Variants in ADAMTS3 observed in about 807,000 individuals in gnomAD.
The protein encoded by ADAMTS3 is ADAM metallopeptidase with thrombospondin type 1 motif 3, also known as A disintegrin and metalloproteinase with thrombospondin motifs 3.
ADAMTS3 carries 73 observed loss-of-function variants against 129.0 expected under a neutral mutation model. The observed-to-expected ratio is 0.57, with a 90% CI of 0.47 to 0.69. ADAMTS3 has a LOEUF of 0.69. ADAMTS3 is among the 30% of genes least tolerant of loss of function. The pLI is 0.00. For missense variants in ADAMTS3, 1,457 were observed against 1,514.5 expected (o/e 0.96, Z 0.63); for synonymous variants, 477 against 510.8 (o/e 0.93, Z 0.89).
chr4:72,379,844 G>A (rs974308628), intron 4 of ADAMTS3, among the ~76,000 whole-genome samples: 2 of 152,046 alleles, frequency 1.3e-5, no homozygotes, highest in Non-Finnish European at 2.9e-5. Flanking sequence ...GTATATAAAT[G>A]TAATTCTGAT....
intron 3 of ADAMTS3, among the ~76,000 whole-genome samples, chr4:72,443,425 C>T (rs555328164): frequency 2.0e-4 from 30 of 151,830 alleles, no homozygotes; most frequent in African/African-American, 7.2e-4. Flanking sequence ...AGCTTACCCT[C>T]TAGTGTTAAA....
At position 72,450,595 on chromosome 4, in the gene ADAMTS3, A is replaced by G. The variant is rs776836352; in HGVS notation, c.505-35624T>C. ...CTTTTCTGAGGCTTTCACTGATGCCAACACCACTAATAAACATAAGAATTG... is the reference window on the plus strand; with the variant it reads ...CTTTTCTGAGGCTTTCACTGATGCCGACACCACTAATAAACATAAGAATTG... On this transcript the variant is annotated intron_variant, in intron 3 of 21. Coordinates refer to ENST00000286657, the MANE Select transcript of ADAMTS3 (RefSeq NM_014243.3). Among the ~76,000 whole-genome samples, 36 of 151,722 alleles carry G rather than the reference A, an allele frequency of 2.4e-4. 2 individuals are homozygous for G. Among genetic ancestry groups the G allele is most frequent in the Admixed American group, 1.3e-4 (2 of 15,220 alleles).
chr4:72,421,478 A>G (rs1360009522), intron 3 of ADAMTS3, among the ~76,000 whole-genome samples: 1 of 152,216 alleles, frequency 6.6e-6, no homozygotes, highest in Admixed American at 6.5e-5. Flanking sequence ...GGTGAAAATA[A>G]AACACCTTAG....
intron 3 of ADAMTS3, among the ~76,000 whole-genome samples, chr4:72,454,760 T>C (rs1718498013): frequency 6.6e-6 from 1 of 151,596 alleles, no homozygotes; most frequent in Non-Finnish European, 1.5e-5. Context: ...CCTGGAAGTG[T>C]ATGAGCAGTG....
chr4:72,527,993 C>T (rs751231941), intron 3 of ADAMTS3, among the ~76,000 whole-genome samples: 4 of 152,108 alleles, frequency 2.6e-5, no homozygotes, highest in Non-Finnish European at 5.9e-5. Flanking sequence ...CAGAAGTAAG[C>T]ATGACAGACA....
rs181100359 is a variant in ADAMTS3 at position 72,487,891 on chromosome 4, T to C, written c.504+60587A>G. On this transcript the variant is annotated intron_variant, in intron 3 of 21. Coordinates refer to ENST00000286657, the MANE Select transcript of ADAMTS3 (RefSeq NM_014243.3). Reference sequence around the variant, plus strand: ...ATCAAAAAGAATTCTGATGCATTTATAAGGCTTGACTTAAGAGAAAAAATA... The same window carrying C: ...ATCAAAAAGAATTCTGATGCATTTACAAGGCTTGACTTAAGAGAAAAAATA... Among the ~76,000 whole-genome samples the C allele has an allele frequency of 5.6e-4, 85 of 152,208 alleles. 1 individual carries two copies. In the East Asian group the frequency reaches 0.015, roughly 27 times the overall value.
rs72852077 is a variant in ADAMTS3 at position 72,441,369 on chromosome 4, T to C, written c.505-26398A>G. Among the ~76,000 whole-genome samples, 1,148 of 151,866 alleles carry C rather than the reference T, an allele frequency of 7.6e-3. 26 individuals carry two copies. Among genetic ancestry groups the C allele is most frequent in the African/African-American group, 0.026 (1,090 of 41,494 alleles). On this transcript the variant is annotated intron_variant, in intron 3 of 21. Coordinates refer to ENST00000286657, the MANE Select transcript of ADAMTS3 (RefSeq NM_014243.3). ...CAATTCTTGTGCACATTTTAAAAAA[T>C]TGGATTGTCTTTTCACTGATGATTT...
intron 3 of ADAMTS3, among the ~76,000 whole-genome samples, chr4:72,512,561 T>A (rs535534821): frequency 3.3e-4 from 51 of 152,280 alleles, no homozygotes; most frequent in African/African-American, 1.1e-3. Context: ...GTGACTATAG[T>A]CAATAACTAA....
intron 3 of ADAMTS3, among the ~76,000 whole-genome samples, chr4:72,454,001 T>C (rs1274844791): frequency 6.6e-6 from 1 of 151,180 alleles, no homozygotes; most frequent in Non-Finnish European, 1.5e-5. Context: ...ATTTTGACTG[T>C]AGATTTGCTT....
intron 3 of ADAMTS3, among the ~76,000 whole-genome samples, chr4:72,487,313 G>T (rs1406368822): frequency 1.3e-5 from 2 of 152,114 alleles, no homozygotes; most frequent in African/African-American, 4.8e-5. Context: ...AGGAAAAAAG[G>T]ATGCATGTGC....
At chr4:72,364,207 C>T (rs773925056) in intron 4 of ADAMTS3, among the ~76,000 whole-genome samples, 2 of 152,008 alleles carry the variant, frequency 1.3e-5, no homozygotes, top group Non-Finnish European at 2.9e-5. Flanking sequence ...TGTACATGTA[C>T]ACACACGCAC....
chr4:72,334,325 T>C (rs1016391629), intron 5 of ADAMTS3, among the ~76,000 whole-genome samples: 4 of 152,104 alleles, frequency 2.6e-5, no homozygotes, highest in Non-Finnish European at 4.4e-5. Flanking sequence ...TTAACCACCA[T>C]ATACCTGGCA....
chr4:72,471,719 T>C (rs1719078971), intron 3 of ADAMTS3, among the ~76,000 whole-genome samples: 2 of 152,200 alleles, frequency 1.3e-5, no homozygotes, highest in African/African-American at 2.4e-5. Flanking sequence ...TTTGAAAATA[T>C]AGCTACTTTT....
intron 3 of ADAMTS3, among the ~76,000 whole-genome samples, chr4:72,478,937 T>C (rs1042978226): frequency 9.2e-5 from 14 of 151,854 alleles, no homozygotes; most frequent in Admixed American, 6.6e-4. Flanking sequence ...TGAACTCCCA[T>C]TCACAATTGC....
In ADAMTS3 at chr4:72,319,808, A is replaced by G. The variant is rs748553711; in HGVS notation, c.1208+50T>C. 2.2e-5 allele frequency: 31 copies of G among 1,403,146 alleles called. No homozygotes were observed. In the East Asian group the frequency reaches 6.7e-4, roughly 30 times the overall value. The allele number at this position is 1,403,146 out of a possible 1,614,324, so 86.9% of individuals were successfully genotyped here. A position where few individuals can be genotyped will look rare whatever the true frequency, so the allele number is the denominator to read the frequency against. On this transcript the variant is annotated intron_variant, in intron 8 of 21. Coordinates refer to ENST00000286657, the MANE Select transcript of ADAMTS3 (RefSeq NM_014243.3). ...AAGAGGAAACAATACTGGGAGAAGC[A>G]GGAAAGAAAAGATCTTTTTTTGGCT...
At chr4:72,517,204 T>G (rs1720512610) in intron 3 of ADAMTS3, among the ~76,000 whole-genome samples, 2 of 152,300 alleles carry the variant, frequency 1.3e-5, no homozygotes, top group South Asian at 2.1e-4. Flanking sequence ...TCATGGTGGA[T>G]AAGCTTTTTG....
chr4:72,409,930 T>C (rs868687128), intron 4 of ADAMTS3, among the ~76,000 whole-genome samples: 1 of 152,194 alleles, frequency 6.6e-6, no homozygotes, highest in Non-Finnish European at 1.5e-5. Flanking sequence ...AATAAGATGA[T>C]GCAGGTGTAA....
intron 3 of ADAMTS3, among the ~76,000 whole-genome samples, chr4:72,530,389 A>G (rs1202078730): frequency 1.2e-5 from 1 of 83,836 alleles, no homozygotes; most frequent in Non-Finnish European, 2.0e-5. Flanking sequence ...TATATATTAA[A>G]TTAACATATA....
At chr4:72,471,762 TTTA>T (rs757680082) in intron 3 of ADAMTS3, among the ~76,000 whole-genome samples, 1 of 152,102 alleles carries the variant, frequency 6.6e-6, no homozygotes, top group African/African-American at 2.4e-5. Flanking sequence ...ATATGCCAAG[TTTA>T]TTATAACTAC....
Sources: allele counts gnomAD v4.1 joint callset (sites outside exome capture counted in the v4.1 genomes callset), GRCh38; gene constraint gnomAD v4.1.1; transcripts MANE v1.5; gene names NCBI Gene and HGNC (gene_info 2026-07-23, HGNC 2026-07-21).